GPR137B: variants seen among roughly 807,000 people sequenced by gnomAD.
The protein encoded by GPR137B is G protein-coupled receptor 137B, also known as integral membrane protein GPR137B.
A neutral mutation model predicts 42.5 loss-of-function variants in GPR137B; 42 were observed. The ratio of observed to expected loss-of-function variants is 0.99; its 90% CI spans 0.77 to 1.28. The LOEUF is 1.28. Ranked by LOEUF, GPR137B falls within the 50% of genes most tolerant of loss-of-function variation. The probability of loss-of-function intolerance (pLI) is 0.00; values close to 1 mark genes in which losing one functional copy is unlikely to be tolerated. For missense variants in GPR137B, 487 were observed against 493.9 expected, an observed-to-expected ratio of 0.99 and a Z score of 0.13; for synonymous variants, 218 against 209.7, an observed-to-expected ratio of 1.04 and a Z score of -0.34.
chr1:236,191,469 CTT>C (rs1663191294), intron 5 of GPR137B, among the ~76,000 whole-genome samples: 1 of 152,154 alleles, frequency 6.6e-6, no homozygotes, highest in African/African-American at 2.4e-5. Context: ...TTCTCCCTAT[CTT>C]TGTGGATTTA....
chr1:236,207,034 T>C (rs547550203), intron 6 of GPR137B: 1 of 471,400 alleles, frequency 2.1e-6, no homozygotes, highest in African/African-American at 2.1e-5. Flanking sequence ...TGGGATGAAA[T>C]GATAAAAAAT....
At chr1:236,161,498 C>CGCCTCCCACCCACACCTCCTCAT (rs1662195315) in intron 1 of GPR137B, among the ~76,000 whole-genome samples, 4 of 151,072 alleles carry the variant, frequency 2.6e-5, no homozygotes, top group African/African-American at 9.8e-5. Context: ...CACCTCCTCA[C>CGCCTCCCACCCACACCTCCTCAT]GCCTCCCACT....
chr1:236,152,202 C>T (rs532300874), intron 1 of GPR137B, among the ~76,000 whole-genome samples: 1 of 152,032 alleles, frequency 6.6e-6, no homozygotes, highest in East Asian at 1.9e-4. Context: ...TGAATTACAC[C>T]TGTAATCCCA....
chr1:236,208,640 TAG>T lies in GPR137B; in HGVS notation c.*484_*485del, dbSNP rs1368038652. 1.0e-6 allele frequency: 1 copy of T among 985,810 alleles called. No individual in the cohort carries two copies. Among genetic ancestry groups the T allele is most frequent in the Non-Finnish European group, 1.2e-6 (1 of 829,938 alleles). 61.1% of individuals were successfully genotyped at this position (985,810 alleles called of 1,614,324 possible). On this transcript the variant is annotated 3_prime_UTR_variant, in exon 7 of 7. Coordinates refer to ENST00000366592, the MANE Select transcript of GPR137B (RefSeq NM_003272.4). ...ACTCCGATTCTGAGTGCCACATTGG[TAG>T]ACTCCTAAAATACAGTTGACAACTT...
chr1:236,164,715 G>GAA (rs1203959589), intron 1 of GPR137B, among the ~76,000 whole-genome samples: 1 of 152,026 alleles, frequency 6.6e-6, no homozygotes, highest in African/African-American at 2.4e-5. Flanking sequence ...TGCGTTTGTT[G>GAA]ATATTATCTA....
Position 236,183,646 on chromosome 1 carries a change from G to A in GPR137B, c.838-132G>A, listed in dbSNP as rs139327295. 3.7e-4 allele frequency: 217 copies of A among 587,612 alleles called. No individual in the cohort carries two copies. The East Asian group carries it at 6.1e-3, about 17-fold the overall frequency. 36.4% of individuals were successfully genotyped at this position (587,612 alleles called of 1,614,324 possible). Reference sequence around the variant, plus strand: ...AAGTATTAATATAGTATATTCGGTAGTACATTCTAAAATATAGGGGAATGA... The same window carrying A: ...AAGTATTAATATAGTATATTCGGTAATACATTCTAAAATATAGGGGAATGA... On this transcript the variant is annotated intron_variant, in intron 4 of 6. Coordinates refer to ENST00000366592, the MANE Select transcript of GPR137B (RefSeq NM_003272.4).
chr1:236,164,033 C>T lies in GPR137B; in HGVS notation c.415-4673C>T, dbSNP rs544406738. Among the ~76,000 whole-genome samples the T allele has an allele frequency of 3.3e-5, 5 of 151,788 alleles. No individual in the cohort carries two copies. In the East Asian group the frequency reaches 5.8e-4, roughly 18 times the overall value. ...GCCTCCTCACACTTTTCAGCACCTC[C>T]TCACAGCCCCCATGCCTCTCCACAC... On this transcript the variant is annotated intron_variant, in intron 1 of 6. Transcript: ENST00000366592.
intron 1 of GPR137B, among the ~76,000 whole-genome samples, chr1:236,165,423 C>T (rs1011384910): frequency 5.9e-5 from 9 of 152,114 alleles, no homozygotes; most frequent in South Asian, 2.1e-4. Flanking sequence ...GTGAGTTATC[C>T]GCATCTTGGC....
rs553497899 is a variant in GPR137B, at chr1:236,193,537, A to G, written c.966+9631A>G. 2.6e-5 allele frequency among the ~76,000 whole-genome samples: 4 copies of G among 152,216 alleles called. No individual in the cohort carries two copies. The East Asian group carries it at 7.7e-4, about 29-fold the overall frequency. On this transcript the variant is annotated intron_variant, in intron 5 of 6. Transcript: ENST00000366592. ...TTCCTCCACGCTCCTAGCACTTGTT[A>G]TCTGACTTTTTGATTCTAGATATCA...
chr1:236,178,751 C>T (rs967115354), intron 3 of GPR137B, 115 bp downstream of exon 3: 16 of 418,766 alleles, frequency 3.8e-5, no homozygotes, highest in African/African-American at 8.9e-5. Flanking sequence ...TGACTTTCTC[C>T]GTTTTATTGT....
intron 2 of GPR137B, 27 bp from the exon 3 acceptor site, chr1:236,178,387 C>A: frequency 7.2e-7 from 1 of 1,389,252 alleles, no homozygotes; most frequent in Non-Finnish European, 1.0e-6. Context: ...GGATGTGCAG[C>A]TGACAAGTTG....
At position 236,143,007 on chromosome 1, in the gene GPR137B, C is replaced by T. The variant is rs1325592622; in HGVS notation, c.385C>T (p.Leu129Phe). Residue 129 changes from leucine to phenylalanine, a missense_variant, in exon 1 of 7, where the codon CTC becomes TTC. By Grantham distance (22) the Leu-to-Phe change is conservative. Transcript: ENST00000366592. ...CFPVCLQFFT[L>F]TLMNLYFTQV... ...CCCTGTGTGCCTGCAGTTTTTCACC[C>T]TCACGCTGATGAACTTGTACTTCAC... 1 of 1,613,604 alleles carries T rather than the reference C, an allele frequency of 6.2e-7. No homozygotes were observed. Among genetic ancestry groups the T allele is most frequent in the Admixed American group, 1.7e-5 (1 of 59,994 alleles).
chr1:236,145,054 C>T (rs893236916), intron 1 of GPR137B, among the ~76,000 whole-genome samples: 4 of 152,228 alleles, frequency 2.6e-5, no homozygotes, highest in South Asian at 2.1e-4. Context: ...CCCAGGTCTG[C>T]GGGCACCACA....
intron 1 of GPR137B, among the ~76,000 whole-genome samples, chr1:236,165,484 C>A (rs1286816229): frequency 6.6e-6 from 1 of 152,100 alleles, no homozygotes; most frequent in African/African-American, 2.4e-5. Flanking sequence ...ACTCCAGGGC[C>A]CTCTTGTACT....
intron 5 of GPR137B, among the ~76,000 whole-genome samples, chr1:236,192,325 G>C (rs1174074662): frequency 4.6e-5 from 7 of 152,032 alleles, no homozygotes. Context: ...CCTTTCCAGG[G>C]GAGTGAATGG....
chr1:236,158,300 C>T (rs1166380080), intron 1 of GPR137B, among the ~76,000 whole-genome samples: 2 of 152,172 alleles, frequency 1.3e-5, no homozygotes, highest in Non-Finnish European at 1.5e-5. Context: ...TTGCACGTGC[C>T]TATAATCCCA....
intron 4 of GPR137B, among the ~76,000 whole-genome samples, chr1:236,181,893 A>ATT (rs562504942): frequency 3.3e-5 from 4 of 121,498 alleles, no homozygotes; most frequent in Admixed American, 9.0e-5. Context: ...AATATTTGCT[A>ATT]TTTTTTTTTT....
rs1382497364 is a variant in GPR137B, at chr1:236,183,242, A to G, written c.838-536A>G. Among the ~76,000 whole-genome samples, 4 of 152,330 alleles carry G rather than the reference A, an allele frequency of 2.6e-5. No homozygotes were observed. In the East Asian group the frequency reaches 5.8e-4, roughly 22 times the overall value. The stretch of plus-strand genomic sequence containing the variant: ...TACAGTACGCTTTAAAGGGTAAACA[A>G]CAGGATATGGTTTATGTGAAGAAAC... On this transcript the variant is annotated intron_variant, in intron 4 of 6. Coordinates refer to ENST00000366592, the MANE Select transcript of GPR137B (RefSeq NM_003272.4).
In GPR137B at chr1:236,168,772, A is replaced by T; in HGVS notation, c.464+17A>T. The T allele has an allele frequency of 6.4e-7, 1 of 1,564,814 alleles. No individual in the cohort carries two copies. The highest frequency in any genetic ancestry group is 1.1e-5 in the South Asian group (1 of 90,102). On this transcript the variant is annotated intron_variant, in intron 2 of 6. Transcript: ENST00000366592. ...CAAATACCGGTAAGTACTGCAGGGC[A>T]TCTCTTTCTGTGGTAGAAGGGGAAA...
Sources: gnomAD v4.1 joint callset for allele counts (sites outside exome capture counted in the v4.1 genomes callset) on GRCh38, gnomAD v4.1.1 for gene constraint, MANE v1.5 for transcripts, NCBI Gene and HGNC (gene_info 2026-07-23, HGNC 2026-07-21) for gene names.